Variants in CECR2 observed in about 807,000 individuals in gnomAD.
CECR2 encodes the protein CECR2 histone acetyl-lysine reader.
CECR2 carries 30 observed loss-of-function variants against 154.5 expected under a neutral mutation model. The ratio of observed to expected loss-of-function variants is 0.19; its 90% CI spans 0.15 to 0.26. CECR2 has a LOEUF of 0.26. Ranked by LOEUF, CECR2 falls within the 10% of genes least tolerant of loss-of-function variation. The pLI is 1.00. For synonymous variants in CECR2, 725 were observed against 683.7 expected, an observed-to-expected ratio of 1.06 and a Z score of -0.94; for missense variants, 1,743 against 1,829.3, an observed-to-expected ratio of 0.95 and a Z score of 0.86.
chr22:17,414,238 C>G lies in CECR2; in HGVS notation c.126+44329C>G, dbSNP rs575130652. On this transcript the variant is annotated intron_variant, in intron 1 of 18. Transcript: ENST00000262608. ...CCGCCCGCCTTGGCCTCCCAAAGTG[C>G]TGGGATTACAGGCGTGAGCCACTGC... is the stretch of plus-strand genomic sequence containing the variant. 2.6e-5 allele frequency among the ~76,000 whole-genome samples: 4 copies of G among 152,322 alleles called. 1 individual carries two copies. Among genetic ancestry groups the G allele is most frequent in the East Asian group, 1.9e-4 (1 of 5,172 alleles).
chr22:17,444,597 C>G (rs902944532), intron 1 of CECR2, among the ~76,000 whole-genome samples: 1 of 151,714 alleles, frequency 6.6e-6, no homozygotes, highest in African/African-American at 2.4e-5. Flanking sequence ...CTAGCCTGGG[C>G]GACAAAGTGA....
intron 1 of CECR2, among the ~76,000 whole-genome samples, chr22:17,397,745 C>T (rs2053834320): frequency 6.6e-6 from 1 of 152,210 alleles, no homozygotes; most frequent in South Asian, 2.1e-4. Flanking sequence ...GATCCGCCCG[C>T]CTCGGCCTCC....
chr22:17,424,250 T>G (rs937883277), intron 1 of CECR2: 4 of 152,362 alleles, frequency 2.6e-5, no homozygotes, highest in African/African-American at 9.7e-5. Context: ...GGTTACTTTT[T>G]TTTTTTAAGT....
chr22:17,425,404 A>G (rs2054315098), intron 1 of CECR2, among the ~76,000 whole-genome samples: 1 of 152,062 alleles, frequency 6.6e-6, no homozygotes, highest in Non-Finnish European at 1.5e-5. Flanking sequence ...TGTAATTCTT[A>G]CTTTCAATAC....
At chr22:17,507,939 G>C (rs2055876388) in intron 7 of CECR2, among the ~76,000 whole-genome samples, 1 of 152,132 alleles carries the variant, frequency 6.6e-6, no homozygotes. Flanking sequence ...CACAGGTAAA[G>C]TTTTCTAAAC....
At chr22:17,520,434 A>G (rs1186377348) in intron 8 of CECR2, among the ~76,000 whole-genome samples, 1 of 151,834 alleles carries the variant, frequency 6.6e-6, no homozygotes, top group East Asian at 1.9e-4. Flanking sequence ...TTAAATTATT[A>G]TTATACTTTA....
intron 15 of CECR2, 62 bp from the exon 16 acceptor site, chr22:17,542,095 C>T: frequency 6.3e-7 from 1 of 1,575,668 alleles, no homozygotes; most frequent in Non-Finnish European, 8.6e-7. Flanking sequence ...CATAGAGAAG[C>T]ATGGCACAAA....
chr22:17,424,401 C>T (rs1010633024), intron 1 of CECR2: 10 of 192,590 alleles, frequency 5.2e-5, no homozygotes, highest in Middle Eastern at 1.9e-3. Context: ...CAATTGCAGA[C>T]ACACCTTGAG....
intron 1 of CECR2, chr22:17,477,043 T>C: frequency 2.8e-6 from 2 of 702,746 alleles, no homozygotes; most frequent in Non-Finnish European, 5.3e-6. Context: ...TCACCTTTCA[T>C]CAGCCATGTA....
In CECR2 at chr22:17,554,234, G is replaced by A. The variant is rs1431982298; in HGVS notation, c.*1394G>A. 6.6e-6 allele frequency: 1 copy of A among 152,148 alleles called. No individual in the cohort carries two copies. Among genetic ancestry groups the A allele is most frequent in the African/African-American group, 2.4e-5 (1 of 41,442 alleles). The allele number at this position is 152,148 out of a possible 1,614,324, so 9.4% of individuals were successfully genotyped here. ...GTTAGGACCCATGTTTTAAACTTTT[G>A]AATATTCCACAAAAGAAAAAACTAA... is the stretch of plus-strand genomic sequence containing the variant. On this transcript the variant is annotated 3_prime_UTR_variant, in exon 19 of 19. Transcript: ENST00000262608.
intron 3 of CECR2, 67 bp from the exon 4 acceptor site, chr22:17,499,343 G>T (rs550020322): frequency 6.4e-7 from 1 of 1,553,758 alleles, no homozygotes; most frequent in Non-Finnish European, 8.7e-7. Flanking sequence ...TGGAATCCTC[G>T]TTCTGGTTTT....
intron 8 of CECR2, 118 bp downstream of exon 8, chr22:17,512,014 G>A: frequency 1.3e-6 from 1 of 745,158 alleles, no homozygotes; most frequent in East Asian, 2.6e-5. Flanking sequence ...AACCCCAAAT[G>A]TTTATTTAGC....
intron 1 of CECR2, among the ~76,000 whole-genome samples, chr22:17,468,337 A>G (rs1869464731): frequency 1.3e-5 from 2 of 151,986 alleles, no homozygotes; most frequent in South Asian, 4.2e-4. Context: ...CTCTGTTGTG[A>G]TTGTGTTCAA....
intron 16 of CECR2, 49 bp downstream of exon 16, chr22:17,543,052 A>G (rs1211968941): frequency 2.0e-6 from 3 of 1,532,408 alleles, no homozygotes; most frequent in South Asian, 2.5e-5. Flanking sequence ...TTTCATGAGT[A>G]ATCTTTTTAC....
intron 5 of CECR2, 47 bp downstream of exon 5, chr22:17,500,782 C>T (rs879020568): frequency 7.8e-7 from 1 of 1,282,254 alleles, no homozygotes; most frequent in East Asian, 2.5e-5. Context: ...GCAGAAGGGA[C>T]CTTAATTCAT....
chr22:17,456,399 A>G (rs969114330), intron 1 of CECR2, among the ~76,000 whole-genome samples: 1 of 152,134 alleles, frequency 6.6e-6, no homozygotes, highest in African/African-American at 2.4e-5. Flanking sequence ...AGAACATTAA[A>G]TTTGTTGGAA....
chr22:17,549,605 G>A (rs756186048), intron 17 of CECR2, 41 bp downstream of exon 17: 22 of 1,426,702 alleles, frequency 1.5e-5, no homozygotes, highest in Non-Finnish European at 2.0e-5. Context: ...AGAGAGAACA[G>A]ATGTTTATTT....
chr22:17,494,188 C>G (rs922900492), intron 2 of CECR2, among the ~76,000 whole-genome samples: 7 of 152,210 alleles, frequency 4.6e-5, no homozygotes, highest in African/African-American at 7.2e-5. Flanking sequence ...CTCTGCCTCC[C>G]GGGTTCAAGC....
chr22:17,476,028 G>C (rs1474057662), intron 1 of CECR2, among the ~76,000 whole-genome samples: 1 of 151,544 alleles, frequency 6.6e-6, no homozygotes, highest in Non-Finnish European at 1.5e-5. Context: ...AAACTCATTA[G>C]CTGGGTATTC....
Sources: allele counts gnomAD v4.1 joint callset (sites outside exome capture counted in the v4.1 genomes callset), GRCh38; gene constraint gnomAD v4.1.1; transcripts MANE v1.5; gene names NCBI Gene and HGNC (gene_info 2026-07-23, HGNC 2026-07-21).